Variants in PIWIL3 observed in about 807,000 individuals in gnomAD.
The protein encoded by PIWIL3 is piwi like RNA-mediated gene silencing 3.
Under a neutral mutation model 109.7 loss-of-function variants are expected in PIWIL3, and 101 were observed. That is an observed-to-expected ratio of 0.92 (90% CI 0.78 to 1.09). The LOEUF is 1.09. PIWIL3 is among the 50% of genes least tolerant of loss of function. The probability of loss-of-function intolerance (pLI) is 0.00; values close to 1 mark genes in which losing one functional copy is unlikely to be tolerated. For missense variants in PIWIL3, 1,031 were observed against 1,072.6 expected, an observed-to-expected ratio of 0.96 and a Z score of 0.54; for synonymous variants, 373 against 376.4, an observed-to-expected ratio of 0.99 and a Z score of 0.10.
intron 2 of PIWIL3, among the ~76,000 whole-genome samples, 185 bp from the exon 3 acceptor site, chr22:24,760,174 CA>C (rs991686216): frequency 2.6e-5 from 4 of 151,836 alleles, no homozygotes; most frequent in African/African-American, 9.7e-5. Context: ...AGGAAAAAAA[CA>C]AAAAAAGGAC....
intron 19 of PIWIL3, among the ~76,000 whole-genome samples, chr22:24,721,569 G>A (rs1325604196): frequency 6.6e-6 from 1 of 151,896 alleles, no homozygotes; most frequent in African/African-American, 2.4e-5. Context: ...TATCTTTATG[G>A]CTCCCCACTG....
At chr22:24,721,604 T>C (rs546339560) in intron 19 of PIWIL3, among the ~76,000 whole-genome samples, 1 of 152,366 alleles carries the variant, frequency 6.6e-6, no homozygotes, top group African/African-American at 2.4e-5. Flanking sequence ...TGTGAACATA[T>C]GTTCCAGTTA....
chr22:24,769,176 A>G (rs2147733586), intron 1 of PIWIL3, among the ~76,000 whole-genome samples: 1 of 152,288 alleles, frequency 6.6e-6, no homozygotes, highest in East Asian at 1.9e-4. Context: ...ATACCTTTAA[A>G]TCATCACTAG....
rs574769176 is a variant in PIWIL3 at position 24,726,618 on chromosome 22, T to A, written c.2010-1103A>T. On this transcript the variant is annotated intron_variant, in intron 16 of 20. Coordinates refer to ENST00000616349, the MANE Select transcript of PIWIL3 (RefSeq NM_001255975.1). ...TATTTTCATAATTTTTTGGAAGTTT[T>A]TATTTGATTGGAAAGCAGATTTTAC... Among the ~76,000 whole-genome samples, 6 of 152,330 alleles carry A rather than the reference T, an allele frequency of 3.9e-5. 1 individual carries two copies. Among genetic ancestry groups the A allele is most frequent in the African/African-American group, 1.4e-4 (6 of 41,576 alleles).
intron 14 of PIWIL3, among the ~76,000 whole-genome samples, chr22:24,729,569 CAGTT>C (rs1396663806): frequency 9.9e-5 from 15 of 152,156 alleles, no homozygotes; most frequent in Admixed American, 9.8e-4. Flanking sequence ...GGAAACTAAG[CAGTT>C]AGGCAGACTG....
At chr22:24,739,552 T>C (rs1923856225) in intron 12 of PIWIL3, among the ~76,000 whole-genome samples, 1 of 150,998 alleles carries the variant, frequency 6.6e-6, no homozygotes, top group Non-Finnish European at 1.5e-5. Flanking sequence ...TAAAGTGCTG[T>C]AGGAAAAAAA....
At chr22:24,729,163 A>C (rs1456369913) in intron 14 of PIWIL3, among the ~76,000 whole-genome samples, 1 of 152,200 alleles carries the variant, frequency 6.6e-6, no homozygotes, top group Non-Finnish European at 1.5e-5. Flanking sequence ...GGACAGTTAC[A>C]CAGACAGCTA....
intron 14 of PIWIL3, among the ~76,000 whole-genome samples, chr22:24,731,349 A>G (rs1203891251): frequency 6.6e-6 from 1 of 152,236 alleles, no homozygotes; most frequent in Non-Finnish European, 1.5e-5. Flanking sequence ...CCTTAGTTAT[A>G]GATGAAAAGT....
chr22:24,754,563 G>C (rs1451528576), intron 7 of PIWIL3, among the ~76,000 whole-genome samples: 1 of 152,154 alleles, frequency 6.6e-6, no homozygotes, highest in African/African-American at 2.4e-5. Context: ...CTTAATGTGT[G>C]TGCAACAACT....
At chr22:24,728,629 G>C (rs2027611) in intron 14 of PIWIL3, among the ~76,000 whole-genome samples, 1 of 152,092 alleles carries the variant, frequency 6.6e-6, no homozygotes, top group African/African-American at 2.4e-5. Flanking sequence ...ATGTGTAGAA[G>C]AAACAAATTA....
intron 16 of PIWIL3, among the ~76,000 whole-genome samples, chr22:24,725,859 C>T (rs1922963224): frequency 6.6e-6 from 1 of 152,194 alleles, no homozygotes; most frequent in Admixed American, 6.5e-5. Flanking sequence ...CCAATGCCCT[C>T]AACAATGGCT....
intron 2 of PIWIL3, among the ~76,000 whole-genome samples, chr22:24,761,281 T>C (rs1275543413): frequency 6.6e-6 from 1 of 152,062 alleles, no homozygotes; most frequent in African/African-American, 2.4e-5. Flanking sequence ...GGCTGGGTCT[T>C]GGCAATATCA....
chr22:24,751,282 ATATG>A lies in PIWIL3; in HGVS notation c.1089+101_1089+104del, dbSNP rs1924694996. 10 of 1,199,952 alleles carry A rather than the reference ATATG, an allele frequency of 8.3e-6. No homozygotes were observed. In the East Asian group the frequency reaches 1.5e-4, roughly 17 times the overall value. The allele number at this position is 1,199,952 out of a possible 1,614,324, so 74.3% of individuals were successfully genotyped here. On this transcript the variant is annotated intron_variant, in intron 9 of 20. Coordinates refer to ENST00000616349, the MANE Select transcript of PIWIL3 (RefSeq NM_001255975.1). ...CAAGCTATAATCCCCTAAAAGGAAA[ATATG>A]TATGTTTATATGACAAATATGTTCA...
chr22:24,731,592 A>C (rs1000599040), intron 14 of PIWIL3, among the ~76,000 whole-genome samples: 1 of 151,884 alleles, frequency 6.6e-6, no homozygotes, highest in African/African-American at 2.4e-5. Flanking sequence ...CGGAGGTTGC[A>C]GTGAGCTGAG....
chr22:24,753,892 G>A (rs1029956115), intron 8 of PIWIL3, 122 bp downstream of exon 8: 39 of 793,752 alleles, frequency 4.9e-5, no homozygotes, highest in Non-Finnish European at 7.5e-5. Context: ...GTGTTCAGTT[G>A]TTCTTGCAAT....
chr22:24,757,565 G>A (rs1925124133), intron 4 of PIWIL3, among the ~76,000 whole-genome samples: 1 of 93,934 alleles, frequency 1.1e-5, no homozygotes, highest in South Asian at 3.5e-4. Flanking sequence ...GTGTAAGGAT[G>A]GCTTGGGCCA....
chr22:24,766,315 GTT>G (rs147653689), intron 1 of PIWIL3, among the ~76,000 whole-genome samples: 2,932 of 151,282 alleles, frequency 0.019, 96 homozygotes, highest in African/African-American at 0.067. Context: ...GTTTTGTTTT[GTT>G]TTGTTTTTGT....
chr22:24,753,231 C>A (rs1924814686), intron 8 of PIWIL3, among the ~76,000 whole-genome samples: 1 of 152,106 alleles, frequency 6.6e-6, no homozygotes, highest in Non-Finnish European at 1.5e-5. Context: ...AGCTCAAAGT[C>A]AAAAAGATTC....
At chr22:24,731,208 A>C (rs1208439551) in intron 14 of PIWIL3, among the ~76,000 whole-genome samples, 3 of 152,320 alleles carry the variant, frequency 2.0e-5, no homozygotes, top group East Asian at 1.9e-4. Context: ...AGTTTATTGG[A>C]GGTCTGAAGG....
Sources: gnomAD v4.1 joint callset for allele counts (sites outside exome capture counted in the v4.1 genomes callset) on GRCh38, gnomAD v4.1.1 for gene constraint, MANE v1.5 for transcripts, NCBI Gene and HGNC (gene_info 2026-07-23, HGNC 2026-07-21) for gene names.